Variants in TSHZ3 observed in about 807,000 individuals in gnomAD.
TSHZ3 encodes the protein teashirt homolog 3.
In TSHZ3, 10 loss-of-function variants were observed where a neutral mutation model predicts 64.5. The ratio of observed to expected loss-of-function variants is 0.16; its 90% CI spans 0.10 to 0.26. TSHZ3 has a LOEUF of 0.26. TSHZ3 is among the 10% of genes least tolerant of loss of function. The pLI is 1.00. For synonymous variants in TSHZ3, 608 were observed against 593.1 expected (o/e 1.03, Z -0.36); for missense variants, 1,242 against 1,421.7 (o/e 0.87, Z 2.03).
intron 1 of TSHZ3, among the ~76,000 whole-genome samples, chr19:31,306,815 G>A (rs1357513018): frequency 6.6e-6 from 1 of 152,160 alleles, no homozygotes; most frequent in African/African-American, 2.4e-5. Context: ...TTAAAAGAAA[G>A]AGAAACATAC....
chr19:31,204,873 C>A (rs1409353702), intron 5 of TSHZ3: 1 of 152,464 alleles, frequency 6.6e-6, no homozygotes, highest in African/African-American at 2.4e-5. Context: ...TCCCTTGGTC[C>A]TCCCTTCGAC....
chr19:31,331,790 T>G (rs1474010943), intron 1 of TSHZ3, among the ~76,000 whole-genome samples: 3 of 152,120 alleles, frequency 2.0e-5, no homozygotes, highest in Admixed American at 2.0e-4. Context: ...GAACGTCCAT[T>G]TTATGTTTCC....
chr19:31,250,500 G>A (rs953564084), intron 1 of TSHZ3, among the ~76,000 whole-genome samples: 2 of 152,188 alleles, frequency 1.3e-5, no homozygotes, highest in East Asian at 1.9e-4. Flanking sequence ...TGGCATACCA[G>A]TACCTGAAGA....
At position 31,279,539 on chromosome 19, in the gene TSHZ3, A is replaced by G. The variant is rs911313443; in HGVS notation, c.254T>C (p.Met85Thr). 3 of 1,610,792 alleles carry G rather than the reference A, an allele frequency of 1.9e-6. No homozygotes were observed. Among genetic ancestry groups the G allele is most frequent in the South Asian group, 2.2e-5 (2 of 90,884 alleles). The part of the protein sequence containing the change: ...ESHISETSDR[M>T]ADFESGSIKN... ...GATGGAGCCGCTTTCAAAGTCAGCC[A>G]TTCGGTCACTGGTCTCACTGATGTG... The change falls in exon 2 of 2, where the codon ATG (methionine) becomes ACG (threonine). Residue 85 changes from methionine (M) to threonine (T), a missense_variant. Coordinates refer to ENST00000240587, the MANE Select transcript of TSHZ3 (RefSeq NM_020856.4). The surrounding 1 kb of genome is among the most constrained non-coding windows in gnomAD (Gnocchi z 6.4).
intron 1 of TSHZ3, among the ~76,000 whole-genome samples, chr19:31,292,796 A>G (rs1976592271): frequency 6.6e-6 from 1 of 151,208 alleles, no homozygotes; most frequent in Non-Finnish European, 1.5e-5. Flanking sequence ...CCAAAAACAT[A>G]TCCATCCATC....
chr19:31,248,042 G>A (rs892145727), intron 1 of TSHZ3, among the ~76,000 whole-genome samples: 1 of 152,112 alleles, frequency 6.6e-6, no homozygotes, highest in Non-Finnish European at 1.5e-5. Flanking sequence ...GCAGGTAAGA[G>A]AAAATGAGAG....
intron 5 of TSHZ3, among the ~76,000 whole-genome samples, chr19:31,186,988 CT>C (rs1172120185): frequency 1.3e-5 from 2 of 150,804 alleles, no homozygotes; most frequent in African/African-American, 5.0e-5. Flanking sequence ...TTTTCTTCAT[CT>C]TTAGTTGCCA....
chr19:31,341,631 A>T lies in TSHZ3; in HGVS notation c.40+7549T>A, dbSNP rs995953320. 3.4e-3 allele frequency among the ~76,000 whole-genome samples: 40 copies of T among 11,656 alleles called. No individual in the cohort carries two copies. The East Asian group carries it at 0.29, about 84-fold the overall frequency. The allele number at this position is 11,656 out of a possible 152,430, so 7.6% of individuals were successfully genotyped here. A position where few individuals can be genotyped will look rare whatever the true frequency, so the allele number is the denominator to read the frequency against. On this transcript the variant is annotated intron_variant, in intron 1 of 1. Coordinates refer to ENST00000240587, the MANE Select transcript of TSHZ3 (RefSeq NM_020856.4). Reference sequence around the variant, plus strand: ...CTCACTCTCTCTCTCTCTCTCTCTGACACACACACACACACACACACACAC... The same window carrying T: ...CTCACTCTCTCTCTCTCTCTCTCTGTCACACACACACACACACACACACAC...
At chr19:31,253,623 A>G (rs1195735462) in intron 1 of TSHZ3, among the ~76,000 whole-genome samples, 2 of 152,096 alleles carry the variant, frequency 1.3e-5, no homozygotes, top group Non-Finnish European at 2.9e-5. Context: ...CAGCCTCCCA[A>G]AGTGCTGGGA....
intron 1 of TSHZ3, among the ~76,000 whole-genome samples, chr19:31,243,641 G>A (rs1221749455): frequency 6.6e-6 from 1 of 152,126 alleles, no homozygotes; most frequent in African/African-American, 2.4e-5. Context: ...GCAGATGCAT[G>A]TCCCACCGAC....
At chr19:31,187,771 CT>C (rs1974835740) in intron 5 of TSHZ3, among the ~76,000 whole-genome samples, 1 of 152,072 alleles carries the variant, frequency 6.6e-6, no homozygotes, top group Non-Finnish European at 1.5e-5. Context: ...CCTCTGTATT[CT>C]GTTCACTTAA....
intron 1 of TSHZ3, among the ~76,000 whole-genome samples, chr19:31,296,265 C>G (rs968047150): frequency 1.3e-5 from 2 of 150,858 alleles, no homozygotes; most frequent in African/African-American, 2.4e-5. Context: ...GAAACGGGTG[C>G]CCTTCTGCAC....
chr19:31,277,186 G>A lies in TSHZ3; in HGVS notation c.2607C>T (p.Ser869=), dbSNP rs751939179. ...TGGCCCCGTCAATGTCAGACTTCTC[G>A]GAGATGCTGGAAGGAGTGGAGGATT... The part of the protein sequence containing the change: ...TSKSSTPSSI[S]EKSDIDGATL... The change falls in exon 2 of 2, where the codon TCC becomes TCT. Residue 869 remains serine, a synonymous_variant. Transcript: ENST00000240587. The surrounding 1 kb of genome is among the most constrained non-coding windows in gnomAD (Gnocchi z 4.5). 1.2e-5 allele frequency: 19 copies of A among 1,614,144 alleles called. No individual in the cohort carries two copies. Among genetic ancestry groups the A allele is most frequent in the East Asian group, 2.2e-5 (1 of 44,882 alleles).
intron 1 of TSHZ3, among the ~76,000 whole-genome samples, chr19:31,324,276 T>C (rs1227664744): frequency 2.6e-5 from 4 of 152,228 alleles, no homozygotes; most frequent in East Asian, 1.9e-4. Flanking sequence ...TGAATTTTCA[T>C]TTTTAACGTT....
intron 3 of TSHZ3, among the ~76,000 whole-genome samples, chr19:31,232,040 G>A (rs1975547490): frequency 6.6e-6 from 1 of 152,042 alleles, no homozygotes; most frequent in African/African-American, 2.4e-5. Flanking sequence ...CAGAATAAAG[G>A]GAAATTTCAC....
At chr19:31,299,856 C>G (rs937473936) in intron 1 of TSHZ3, among the ~76,000 whole-genome samples, 2 of 152,198 alleles carry the variant, frequency 1.3e-5, no homozygotes, top group African/African-American at 4.8e-5. Context: ...ACAGTAGGAA[C>G]ACTGTATCAT....
intron 5 of TSHZ3, among the ~76,000 whole-genome samples, chr19:31,163,772 A>C (rs1015706202): frequency 6.6e-6 from 1 of 152,174 alleles, no homozygotes. Flanking sequence ...GGCCCCAGTG[A>C]GGAACATGGA....
rs1976204974 is a variant in TSHZ3, at chr19:31,275,099, T to G, written c.*1448A>C. 1 of 152,526 alleles carries G rather than the reference T, an allele frequency of 6.6e-6. No individual in the cohort carries two copies. Among genetic ancestry groups the G allele is most frequent in the African/African-American group, 2.4e-5 (1 of 41,404 alleles). The allele number at this position is 152,526 out of a possible 1,614,324, so 9.4% of individuals were successfully genotyped here. On this transcript the variant is annotated 3_prime_UTR_variant, in exon 2 of 2. Transcript: ENST00000240587. The stretch of plus-strand genomic sequence containing the variant: ...CCAATATTTTATACAAAGGTTCTCA[T>G]ATGGTGTCAGCTGTCAGTTACTTCT...
At position 31,349,273 on chromosome 19, in the gene TSHZ3, G is replaced by A; in HGVS notation, c.-54C>T. The A allele has an allele frequency of 1.4e-6, 2 of 1,418,008 alleles. No individual in the cohort carries two copies. Among genetic ancestry groups the A allele is most frequent in the Non-Finnish European group, 1.8e-6 (2 of 1,095,030 alleles). The allele number at this position is 1,418,008 out of a possible 1,614,324, so 87.8% of individuals were successfully genotyped here. On this transcript the variant is annotated 5_prime_UTR_variant, in exon 1 of 2. Transcript: ENST00000240587. ...CCGCCGCCGCCGCTGCCGGGCTGAG[G>A]ACAGGGAGGGAGGGGGCGGCGGGCC...
Sources: gnomAD v4.1 joint callset for allele counts (sites outside exome capture counted in the v4.1 genomes callset) on GRCh38, gnomAD v4.1.1 for gene constraint, Gnocchi (gnomAD v3.1) non-coding constraint, MANE v1.5 for transcripts, NCBI Gene and HGNC (gene_info 2026-07-23, HGNC 2026-07-21) for gene names.